Variants in TAFA1 observed in about 807,000 individuals in gnomAD.
TAFA1 encodes the protein TAFA chemokine like family member 1.
Under a neutral mutation model 18.5 loss-of-function variants are expected in TAFA1, and 4 were observed. The ratio of observed to expected loss-of-function variants is 0.22; its 90% CI spans 0.11 to 0.49. The LOEUF (loss-of-function observed/expected upper bound fraction) is 0.49, where lower values mean the gene tolerates loss of function less well. Among genes scored for constraint, TAFA1 ranks in the 20% least tolerant of loss-of-function variants. The pLI is 0.98. For missense variants in TAFA1, 147 were observed against 169.0 expected (o/e 0.87, Z 0.72); for synonymous variants, 56 against 55.2 (o/e 1.01, Z -0.06).
intron 3 of TAFA1, among the ~76,000 whole-genome samples, chr3:68,487,304 T>G (rs1052461635): frequency 2.0e-5 from 3 of 152,192 alleles, no homozygotes; most frequent in African/African-American, 7.2e-5. Context: ...CTTTTATTAT[T>G]TAAAAGCTCT....
In TAFA1 at chr3:68,411,884, C is replaced by T. The variant is rs147869962; in HGVS notation, c.119-5396C>T. Among the ~76,000 whole-genome samples, 79 of 152,230 alleles carry T rather than the reference C, an allele frequency of 5.2e-4. 1 individual carries two copies. In the East Asian group the frequency reaches 8.7e-3, roughly 17 times the overall value. On this transcript the variant is annotated intron_variant, in intron 2 of 4. Coordinates refer to ENST00000478136, the MANE Select transcript of TAFA1 (RefSeq NM_213609.4). ...GTTTGACTGTCTGCTAGGTCTGTTA[C>T]AATGTAAACTTTGGGAATGAGATTT... is the stretch of plus-strand genomic sequence containing the variant.
intron 2 of TAFA1, among the ~76,000 whole-genome samples, chr3:68,066,973 G>T (rs2064686164): frequency 6.6e-6 from 1 of 152,138 alleles, no homozygotes; most frequent in Non-Finnish European, 1.5e-5. Context: ...AATAGTCAAT[G>T]CTGTAAAGTC....
chr3:68,285,809 T>C (rs1266965491), intron 2 of TAFA1, among the ~76,000 whole-genome samples: 1 of 152,182 alleles, frequency 6.6e-6, no homozygotes, highest in African/African-American at 2.4e-5. Context: ...GAGATTTGCA[T>C]TAAATATTTC....
intron 2 of TAFA1, among the ~76,000 whole-genome samples, chr3:68,388,794 C>G (rs577022435): frequency 6.6e-6 from 1 of 152,106 alleles, no homozygotes; most frequent in African/African-American, 2.4e-5. Flanking sequence ...ACTTCAGGGT[C>G]AGAAGGGACC....
At chr3:68,393,079 A>T (rs755550737) in intron 2 of TAFA1, among the ~76,000 whole-genome samples, 34 of 152,100 alleles carry the variant, frequency 2.2e-4, no homozygotes, top group Admixed American at 5.2e-4. Flanking sequence ...CTGGTTTTTG[A>T]AAATATTAAC....
chr3:68,278,757 T>A (rs977006625), intron 2 of TAFA1, among the ~76,000 whole-genome samples: 14 of 152,106 alleles, frequency 9.2e-5, no homozygotes, highest in Admixed American at 9.2e-4. Flanking sequence ...CTTGTTAAAA[T>A]ACACATTCCC....
At chr3:68,078,033 G>C (rs930797049) in intron 2 of TAFA1, among the ~76,000 whole-genome samples, 1 of 151,962 alleles carries the variant, frequency 6.6e-6, no homozygotes, top group African/African-American at 2.4e-5. Context: ...CACATCCCTT[G>C]TAAGCTGGAT....
chr3:68,448,953 C>G (rs2071520331), intron 3 of TAFA1, among the ~76,000 whole-genome samples: 1 of 152,134 alleles, frequency 6.6e-6, no homozygotes, highest in African/African-American at 2.4e-5. Flanking sequence ...AAGTTAGTAT[C>G]AGAATTTGAG....
At position 68,489,266 on chromosome 3, in the gene TAFA1, G is replaced by A. The variant is rs181924415; in HGVS notation, c.260-49490G>A. Among the ~76,000 whole-genome samples the A allele has an allele frequency of 8.5e-5, 13 of 152,280 alleles. No homozygotes were observed. In the East Asian group the frequency reaches 1.7e-3, roughly 20 times the overall value. ...GGAACTATAGCAACTTAGGAGAAGCGTGCCTCATGCAAAAGGAGTAGCGAA... is the reference window on the plus strand; with the variant it reads ...GGAACTATAGCAACTTAGGAGAAGCATGCCTCATGCAAAAGGAGTAGCGAA... On this transcript the variant is annotated intron_variant, in intron 3 of 4. Transcript: ENST00000478136.
intron 3 of TAFA1, among the ~76,000 whole-genome samples, chr3:68,488,881 G>A (rs1318032934): frequency 3.3e-5 from 5 of 152,108 alleles, no homozygotes; most frequent in Admixed American, 6.5e-5. Flanking sequence ...ACCTCATAGG[G>A]TTATTATGAG....
chr3:68,325,264 T>C (rs1222307408), intron 2 of TAFA1, among the ~76,000 whole-genome samples: 1 of 152,200 alleles, frequency 6.6e-6, no homozygotes, highest in Admixed American at 6.5e-5. Flanking sequence ...TGAACACATA[T>C]CTTTCCCTGT....
Position 68,101,799 on chromosome 3 carries a change from A to T in TAFA1, c.118+95055A>T, listed in dbSNP as rs1391592147. Reference sequence around the variant, plus strand: ...TCATGTCATGGAGTGCTCTCCAAAAACTGGCAAATTCCTCCTATATCCAAG... The same window carrying T: ...TCATGTCATGGAGTGCTCTCCAAAATCTGGCAAATTCCTCCTATATCCAAG... On this transcript the variant is annotated intron_variant, in intron 2 of 4. Transcript: ENST00000478136. Among the ~76,000 whole-genome samples, 3 of 152,168 alleles carry T rather than the reference A, an allele frequency of 2.0e-5. No homozygotes were observed. In the South Asian group the frequency reaches 6.2e-4, roughly 32 times the overall value.
At chr3:68,416,533 A>G (rs918470204) in intron 2 of TAFA1, among the ~76,000 whole-genome samples, 9 of 152,128 alleles carry the variant, frequency 5.9e-5, no homozygotes, top group African/African-American at 2.2e-4. Flanking sequence ...GATTTAGCTG[A>G]TTTCTGGGGA....
chr3:68,533,486 C>T (rs1305430883), intron 3 of TAFA1, among the ~76,000 whole-genome samples: 1 of 152,114 alleles, frequency 6.6e-6, no homozygotes. Flanking sequence ...GGTGGGCACA[C>T]AGCCAAACCA....
At chr3:68,315,911 G>T (rs2068597964) in intron 2 of TAFA1, among the ~76,000 whole-genome samples, 1 of 152,130 alleles carries the variant, frequency 6.6e-6, no homozygotes, top group African/African-American at 2.4e-5. Context: ...TCATTTCTGG[G>T]CAGTCGATGA....
intron 2 of TAFA1, among the ~76,000 whole-genome samples, chr3:68,345,279 T>C (rs2069147040): frequency 6.6e-6 from 1 of 152,118 alleles, no homozygotes; most frequent in Admixed American, 6.5e-5. Context: ...CAGGGCCAGA[T>C]CTAATCCTTA....
intron 3 of TAFA1, among the ~76,000 whole-genome samples, chr3:68,474,696 A>C (rs539392082): frequency 6.6e-6 from 1 of 152,200 alleles, no homozygotes; most frequent in Non-Finnish European, 1.5e-5. Context: ...AGCCATTTCT[A>C]TTACTTCTCA....
At chr3:68,300,016 G>A (rs1432876324) in intron 2 of TAFA1, among the ~76,000 whole-genome samples, 1 of 152,238 alleles carries the variant, frequency 6.6e-6, no homozygotes, top group South Asian at 2.1e-4. Context: ...GGGAAATGTG[G>A]GGTGGGAACC....
chr3:68,182,867 T>A (rs1468537249), intron 2 of TAFA1, among the ~76,000 whole-genome samples: 1 of 152,202 alleles, frequency 6.6e-6, no homozygotes, highest in African/African-American at 2.4e-5. Context: ...ATTTTATGCA[T>A]ATGGTGGTGA....
Sources: gnomAD v4.1 joint callset for allele counts (sites outside exome capture counted in the v4.1 genomes callset) on GRCh38, gnomAD v4.1.1 for gene constraint, MANE v1.5 for transcripts, NCBI Gene and HGNC (gene_info 2026-07-23, HGNC 2026-07-21) for gene names.